Variants in ADGRL3 observed in about 807,000 individuals in gnomAD.
ADGRL3 encodes the protein calcium-independent alpha-latrotoxin receptor 3.
A neutral mutation model predicts 153.5 loss-of-function variants in ADGRL3; 62 were observed. The ratio of observed to expected loss-of-function variants is 0.40; its 90% CI spans 0.33 to 0.50. The LOEUF (loss-of-function observed/expected upper bound fraction) is 0.50, where lower values mean the gene tolerates loss of function less well. ADGRL3 is among the 20% of genes least tolerant of loss of function. The pLI, the probability that ADGRL3 is intolerant of heterozygous loss-of-function variation, is 0.47. For missense variants in ADGRL3, 1,641 were observed against 1,859.4 expected, an observed-to-expected ratio of 0.88 and a Z score of 2.16; for synonymous variants, 710 against 672.5, an observed-to-expected ratio of 1.06 and a Z score of -0.86.
chr4:61,527,414 A>G (rs1330870714), intron 4 of ADGRL3, among the ~76,000 whole-genome samples: 3 of 152,172 alleles, frequency 2.0e-5, no homozygotes, highest in Non-Finnish European at 2.9e-5. Context: ...CTATAGCAAC[A>G]TAGTATTACT....
At chr4:61,300,768 C>T (rs66780953) in intron 1 of ADGRL3, among the ~76,000 whole-genome samples, 5,094 of 28,826 alleles carry the variant, frequency 0.18, 450 homozygotes, top group East Asian at 0.46. Context: ...TTCTTTCTTT[C>T]TTTTTTTTTT....
intron 1 of ADGRL3, among the ~76,000 whole-genome samples, chr4:61,247,042 T>C (rs1757376626): frequency 6.6e-6 from 1 of 152,072 alleles, no homozygotes; most frequent in African/African-American, 2.4e-5. Flanking sequence ...AATGTGAGAT[T>C]GAGATTTTTT....
At position 61,789,242 on chromosome 4, in the gene ADGRL3, A is replaced by G. The variant is rs181894926; in HGVS notation, c.1400-24567A>G. Among the ~76,000 whole-genome samples the G allele has an allele frequency of 2.0e-5, 3 of 152,218 alleles. No individual in the cohort carries two copies. The East Asian group carries it at 5.8e-4, about 29-fold the overall frequency. On this transcript the variant is annotated intron_variant, in intron 8 of 26. Transcript: ENST00000683033. ...TTTTTGTTTTCTTGGAACACTTTTC[A>G]CTAAATAATACAAGTAAAATCTTTC...
intron 2 of ADGRL3, among the ~76,000 whole-genome samples, chr4:61,481,046 C>A (rs1297370233): frequency 6.6e-6 from 1 of 152,116 alleles, no homozygotes; most frequent in Non-Finnish European, 1.5e-5. Flanking sequence ...ACTTAACACA[C>A]CCCTAGTAAT....
At chr4:61,585,064 A>G (rs1251359094) in intron 4 of ADGRL3, among the ~76,000 whole-genome samples, 2 of 152,014 alleles carry the variant, frequency 1.3e-5, no homozygotes, top group African/African-American at 2.4e-5. Flanking sequence ...AAGTAACATT[A>G]TAACCAACCT....
At chr4:61,316,478 C>T (rs1253489877) in intron 1 of ADGRL3, among the ~76,000 whole-genome samples, 4 of 152,094 alleles carry the variant, frequency 2.6e-5, no homozygotes, top group Admixed American at 1.3e-4. Flanking sequence ...TTGCAAAAAC[C>T]GCATTTACTT....
chr4:62,018,167 C>T (rs192614359), intron 21 of ADGRL3, among the ~76,000 whole-genome samples: 1 of 152,054 alleles, frequency 6.6e-6, no homozygotes, highest in Non-Finnish European at 1.5e-5. Context: ...CTGGTAGGTG[C>T]TAGATCTTAA....
At chr4:61,262,724 C>G (rs1168185221) in intron 1 of ADGRL3, among the ~76,000 whole-genome samples, 1 of 152,112 alleles carries the variant, frequency 6.6e-6, no homozygotes, top group East Asian at 1.9e-4. Flanking sequence ...CTTATGCTCT[C>G]TCTCTCTAAT....
intron 9 of ADGRL3, among the ~76,000 whole-genome samples, chr4:61,843,511 G>T (rs188905438): frequency 6.6e-6 from 1 of 152,214 alleles, no homozygotes; most frequent in Non-Finnish European, 1.5e-5. Context: ...CAATATGCAA[G>T]AGGAGCCATT....
At chr4:61,278,884 T>G (rs1441936550) in intron 1 of ADGRL3, among the ~76,000 whole-genome samples, 1 of 152,170 alleles carries the variant, frequency 6.6e-6, no homozygotes, top group Non-Finnish European at 1.5e-5. Flanking sequence ...AAGGAACAGA[T>G]AGGAGCAAGT....
At chr4:61,705,403 A>G (rs952391167) in intron 6 of ADGRL3, among the ~76,000 whole-genome samples, 3 of 149,642 alleles carry the variant, frequency 2.0e-5, no homozygotes, top group Non-Finnish European at 4.4e-5. Context: ...CATATTATTT[A>G]TATATATTAG....
At chr4:61,822,990 A>G (rs570010240) in intron 9 of ADGRL3, among the ~76,000 whole-genome samples, 1 of 152,266 alleles carries the variant, frequency 6.6e-6, no homozygotes. Flanking sequence ...TCTCCCCTTG[A>G]TCACTGTTCC....
At chr4:62,068,749 T>C (rs1352146154) in intron 26 of ADGRL3, among the ~76,000 whole-genome samples, 1 of 152,166 alleles carries the variant, frequency 6.6e-6, no homozygotes, top group Non-Finnish European at 1.5e-5. Context: ...AAAATGAAAA[T>C]AAATCGCTTC....
intron 4 of ADGRL3, among the ~76,000 whole-genome samples, chr4:61,536,390 C>G (rs1295345240): frequency 6.6e-6 from 1 of 152,052 alleles, no homozygotes; most frequent in Non-Finnish European, 1.5e-5. Flanking sequence ...TAGATATCTA[C>G]TAGGCTCATT....
Position 61,711,458 on chromosome 4 carries a change from T to TTATGTATATATATA in ADGRL3, c.584-19161_584-19160insGTATATATATATAT, listed in dbSNP as rs1554009826. 4.0e-4 allele frequency among the ~76,000 whole-genome samples: 14 copies of TTATGTATATATATA among 34,662 alleles called. 1 individual carries two copies. The East Asian group carries it at 0.031, about 77-fold the overall frequency. The allele number at this position is 34,662 out of a possible 152,430, so 22.7% of individuals were successfully genotyped here. A position where few individuals can be genotyped will look rare whatever the true frequency, so the allele number is the denominator to read the frequency against. Reference sequence around the variant, plus strand: ...ATACTATCTTAAAACATATGCTTCATTATATATATATATATATATATATAT... The same window carrying TTATGTATATATATA: ...ATACTATCTTAAAACATATGCTTCATTATGTATATATATATATATATATATATATATATATATAT... On this transcript the variant is annotated intron_variant, in intron 6 of 26. Transcript: ENST00000683033.
At chr4:61,306,972 T>C (rs1008745035) in intron 1 of ADGRL3, among the ~76,000 whole-genome samples, 5 of 152,230 alleles carry the variant, frequency 3.3e-5, no homozygotes, top group African/African-American at 1.2e-4. Context: ...ACTATCCTTT[T>C]GGATGGGATG....
chr4:61,877,162 A>G (rs1176177734), intron 9 of ADGRL3, among the ~76,000 whole-genome samples: 1 of 152,196 alleles, frequency 6.6e-6, no homozygotes, highest in African/African-American at 2.4e-5. Flanking sequence ...TCAAAGGTCA[A>G]TCCTGCTGCA....
chr4:61,315,661 C>T (rs1380769686), intron 1 of ADGRL3, among the ~76,000 whole-genome samples: 1 of 152,078 alleles, frequency 6.6e-6, no homozygotes, highest in Non-Finnish European at 1.5e-5. Context: ...TCCTGGAAAC[C>T]ATGAAAGAAA....
intron 24 of ADGRL3, among the ~76,000 whole-genome samples, chr4:62,044,062 G>C (rs1729779638): frequency 6.6e-6 from 1 of 151,842 alleles, no homozygotes; most frequent in Non-Finnish European, 1.5e-5. Flanking sequence ...TTAATGCATA[G>C]TTAAACATTC....
Sources: allele counts gnomAD v4.1 joint callset (sites outside exome capture counted in the v4.1 genomes callset), GRCh38; gene constraint gnomAD v4.1.1; transcripts MANE v1.5; gene names NCBI Gene and HGNC (gene_info 2026-07-23, HGNC 2026-07-21).